The following PIBF1 variants were observed in gnomAD, a reference collection of about 807,000 sequenced individuals.
PIBF1 encodes progesterone immunomodulatory binding factor 1, also known as progesterone-induced-blocking factor 1.
In PIBF1, 90 loss-of-function variants were observed where a neutral mutation model predicts 112.5. The ratio of observed to expected loss-of-function variants is 0.80; its 90% CI spans 0.67 to 0.95. The LOEUF is 0.95. PIBF1 is among the 40% of genes least tolerant of loss of function. The pLI is 0.00. For missense variants in PIBF1, 915 were observed against 852.3 expected (o/e 1.07, Z -0.92); for synonymous variants, 301 against 288.6 (o/e 1.04, Z -0.44).
At chr13:72,829,644 G>C (rs561820855) in intron 8 of PIBF1, among the ~76,000 whole-genome samples, 3 of 152,310 alleles carry the variant, frequency 2.0e-5, no homozygotes, top group Admixed American at 2.0e-4. Flanking sequence ...CTATGTATCT[G>C]TTTTGGTACC....
At chr13:72,998,438 G>A (rs1283083738) in intron 16 of PIBF1, among the ~76,000 whole-genome samples, 2 of 151,686 alleles carry the variant, frequency 1.3e-5, no homozygotes, top group Non-Finnish European at 2.9e-5. Flanking sequence ...CCACACCACT[G>A]CACTCCAGCC....
At chr13:72,889,416 A>T (rs1443852712) in intron 10 of PIBF1, among the ~76,000 whole-genome samples, 3 of 152,188 alleles carry the variant, frequency 2.0e-5, no homozygotes, top group African/African-American at 7.2e-5. Context: ...CACACAAAAG[A>T]CTTAGCAGTC....
At chr13:72,876,842 A>G (rs1566393157) in intron 10 of PIBF1, among the ~76,000 whole-genome samples, 1 of 152,306 alleles carries the variant, frequency 6.6e-6, no homozygotes, top group East Asian at 1.9e-4. Context: ...CAGATTTTCT[A>G]CATAAACAGT....
intron 10 of PIBF1, among the ~76,000 whole-genome samples, chr13:72,882,189 G>GGAAA (rs767599360): frequency 1.3e-5 from 2 of 152,050 alleles, no homozygotes; most frequent in Non-Finnish European, 2.9e-5. Context: ...CATACATTGG[G>GGAAA]GAAAGGACAG....
intron 10 of PIBF1, among the ~76,000 whole-genome samples, chr13:72,865,314 G>A (rs1320465137): frequency 2.0e-5 from 3 of 152,128 alleles, no homozygotes; most frequent in East Asian, 1.9e-4. Flanking sequence ...CATTCAGGCC[G>A]TGTTTCTATT....
chr13:72,814,103 C>G (rs968389073), intron 5 of PIBF1, among the ~76,000 whole-genome samples: 5 of 152,126 alleles, frequency 3.3e-5, no homozygotes, highest in Non-Finnish European at 5.9e-5. Context: ...AAGCCCAGCT[C>G]TATTTGTTTA....
chr13:72,909,914 C>G (rs1429165690), intron 12 of PIBF1, among the ~76,000 whole-genome samples: 1 of 151,978 alleles, frequency 6.6e-6, no homozygotes, highest in Non-Finnish European at 1.5e-5. Context: ...CTGTCTTATC[C>G]CTAACGTTAA....
chr13:72,975,307 C>T (rs534338167), intron 16 of PIBF1, among the ~76,000 whole-genome samples: 2 of 152,080 alleles, frequency 1.3e-5, no homozygotes, highest in African/African-American at 4.8e-5. Flanking sequence ...CTGCCCGCCT[C>T]AATCCTCAAA....
chr13:72,785,396 T>G (rs1365067095), intron 2 of PIBF1, among the ~76,000 whole-genome samples: 4 of 152,172 alleles, frequency 2.6e-5, no homozygotes, highest in African/African-American at 9.7e-5. Context: ...TGACACAAAT[T>G]AAGTGCCCAG....
intron 10 of PIBF1, among the ~76,000 whole-genome samples, chr13:72,887,721 T>A (rs1386110344): frequency 6.6e-6 from 1 of 152,062 alleles, no homozygotes; most frequent in South Asian, 2.1e-4. Flanking sequence ...AATTTTCTCC[T>A]CTCACCTCTC....
intron 14 of PIBF1, among the ~76,000 whole-genome samples, chr13:72,950,592 G>A (rs148879586): frequency 2.6e-5 from 4 of 152,286 alleles, no homozygotes; most frequent in African/African-American, 7.2e-5. Context: ...GTTCTAGCCC[G>A]TCATGCCATT....
At chr13:72,856,626 C>A (rs1267271262) in intron 10 of PIBF1, among the ~76,000 whole-genome samples, 1 of 152,064 alleles carries the variant, frequency 6.6e-6, no homozygotes, top group Non-Finnish European at 1.5e-5. Flanking sequence ...GAATGTAAAA[C>A]TCAAAATAAG....
intron 14 of PIBF1, among the ~76,000 whole-genome samples, chr13:72,944,928 G>A (rs1481223151): frequency 2.6e-5 from 4 of 151,988 alleles, no homozygotes; most frequent in South Asian, 4.2e-4. Context: ...TACAGTGCCC[G>A]GCTGATTTTT....
At chr13:72,813,241 A>G (rs1409932333) in intron 5 of PIBF1, among the ~76,000 whole-genome samples, 1 of 152,214 alleles carries the variant, frequency 6.6e-6, no homozygotes, top group Non-Finnish European at 1.5e-5. Context: ...GGCTTAGTTG[A>G]AAGGAGGAAG....
chr13:72,787,120 T>A (rs2034641302), intron 2 of PIBF1, among the ~76,000 whole-genome samples: 1 of 152,222 alleles, frequency 6.6e-6, no homozygotes, highest in South Asian at 2.1e-4. Flanking sequence ...TATATATGTT[T>A]ACTTCTTACA....
At chr13:72,905,177 C>T (rs1474516599) in intron 11 of PIBF1, among the ~76,000 whole-genome samples, 1 of 151,912 alleles carries the variant, frequency 6.6e-6, no homozygotes, top group Admixed American at 6.6e-5. Context: ...AAGCAATTCT[C>T]CTGCCTCAGT....
At chr13:72,908,347 A>C (rs2040772472) in intron 11 of PIBF1, among the ~76,000 whole-genome samples, 184 bp from the exon 12 acceptor site, 1 of 152,144 alleles carries the variant, frequency 6.6e-6, no homozygotes, top group Non-Finnish European at 1.5e-5. Flanking sequence ...TCAGTTAAAA[A>C]CAACTGAATT....
chr13:72,929,196 T>G (rs1350846957), intron 13 of PIBF1, among the ~76,000 whole-genome samples: 1 of 152,224 alleles, frequency 6.6e-6, no homozygotes, highest in Non-Finnish European at 1.5e-5. Context: ...TAAAGATAGC[T>G]CCAAGATTTT....
At chr13:72,883,350 G>A (rs952274241) in intron 10 of PIBF1, among the ~76,000 whole-genome samples, 9 of 152,168 alleles carry the variant, frequency 5.9e-5, no homozygotes, top group African/African-American at 1.9e-4. Flanking sequence ...AGGGTAGTTG[G>A]GAGAATGGGG....
Sources: allele counts gnomAD v4.1 joint callset (sites outside exome capture counted in the v4.1 genomes callset), GRCh38; gene constraint gnomAD v4.1.1; transcripts MANE v1.5; gene names NCBI Gene and HGNC (gene_info 2026-07-23, HGNC 2026-07-21).